GYS2: variants seen among roughly 807,000 people sequenced by gnomAD.
GYS2 encodes glycogen synthase 2, also known as glycogen [starch] synthase, liver.
Under a neutral mutation model 85.6 loss-of-function variants are expected in GYS2, and 80 were observed. The observed-to-expected ratio is 0.93, with a 90% CI of 0.78 to 1.13. The LOEUF (loss-of-function observed/expected upper bound fraction) is 1.13, where lower values mean the gene tolerates loss of function less well. Ranked by LOEUF, GYS2 falls within the 50% of genes most tolerant of loss-of-function variation. GYS2 has a pLI of 0.00. For missense variants in GYS2, 881 were observed against 854.9 expected (o/e 1.03, Z -0.38); for synonymous variants, 328 against 300.7 (o/e 1.09, Z -0.94).
At chr12:21,567,490 T>C (rs575998481) in intron 5 of GYS2, among the ~76,000 whole-genome samples, 4 of 151,194 alleles carry the variant, frequency 2.6e-5, no homozygotes, top group African/African-American at 9.7e-5. Flanking sequence ...AGGTTCTTAA[T>C]GCTGCCACTA....
chr12:21,540,227 G>A (rs181109111), intron 14 of GYS2, among the ~76,000 whole-genome samples, 183 bp downstream of exon 14: 38 of 152,252 alleles, frequency 2.5e-4, no homozygotes, highest in Non-Finnish European at 4.4e-4. Context: ...AGACTCAAAC[G>A]AAACATGAAG....
At chr12:21,576,251 T>C (rs1944445939) in intron 2 of GYS2, among the ~76,000 whole-genome samples, 194 bp from the exon 3 acceptor site, 1 of 152,228 alleles carries the variant, frequency 6.6e-6, no homozygotes, top group Admixed American at 6.5e-5. Flanking sequence ...TCCATTCATC[T>C]AGAACCTCCA....
chr12:21,561,148 T>C (rs78180619), intron 7 of GYS2, among the ~76,000 whole-genome samples: 1,738 of 152,308 alleles, frequency 0.011, 13 homozygotes, highest in South Asian at 0.018. Flanking sequence ...TCATGTACAA[T>C]AGGCATTTCT....
At chr12:21,539,387 T>C (rs1214705619) in intron 14 of GYS2, 49 bp from the exon 15 acceptor site, 2 of 977,384 alleles carry the variant, frequency 2.0e-6, no homozygotes, top group Admixed American at 3.4e-5. Context: ...CTTAGATATC[T>C]CAATAATCAA....
At chr12:21,548,821 T>G (rs1305612847) in intron 11 of GYS2, among the ~76,000 whole-genome samples, 1 of 152,076 alleles carries the variant, frequency 6.6e-6, no homozygotes, top group Non-Finnish European at 1.5e-5. Context: ...TCCCAGCGCT[T>G]TTTTTTGGTG....
rs1871141 is a variant in GYS2 at position 21,560,216 on chromosome 12, C to A, written c.1169+170G>T. On this transcript the variant is annotated intron_variant, in intron 8 of 15. Coordinates refer to ENST00000261195, the MANE Select transcript of GYS2 (RefSeq NM_021957.4). ...TTGTATAACACCTATAATGTTATAA[C>A]CATTACGATAACCTAAAATAGTAGC... is the stretch of plus-strand genomic sequence containing the variant. Among the ~76,000 whole-genome samples the A allele has an allele frequency of 0.74, 112,859 of 152,100 alleles. 42,163 individuals carry two copies. Among genetic ancestry groups the A allele is most frequent in the South Asian group, 0.79 (3,835 of 4,824 alleles).
chr12:21,603,300 T>C (rs1161399653), intron 1 of GYS2, among the ~76,000 whole-genome samples: 1 of 152,154 alleles, frequency 6.6e-6, no homozygotes, highest in African/African-American at 2.4e-5. Flanking sequence ...TGTTCTCTTA[T>C]ATGCATTCTG....
intron 1 of GYS2, among the ~76,000 whole-genome samples, chr12:21,598,147 T>A (rs1944716754): frequency 1.3e-5 from 2 of 151,910 alleles, no homozygotes; most frequent in African/African-American, 4.8e-5. Context: ...CAAAGTAGGG[T>A]GATTATAGTT....
At chr12:21,582,371 T>G (rs962435484) in intron 1 of GYS2, among the ~76,000 whole-genome samples, 1 of 151,954 alleles carries the variant, frequency 6.6e-6, no homozygotes, top group Non-Finnish European at 1.5e-5. Flanking sequence ...GGCAGAAAAA[T>G]GTGAAAAGGC....
chr12:21,544,246 G>A (rs1442099567), intron 12 of GYS2, among the ~76,000 whole-genome samples: 1 of 152,082 alleles, frequency 6.6e-6, no homozygotes, highest in Admixed American at 6.5e-5. Flanking sequence ...GCTCCCTTTG[G>A]TTAATGTAAA....
chr12:21,539,436 T>G, intron 14 of GYS2, 98 bp from the exon 15 acceptor site: 1 of 765,516 alleles, frequency 1.3e-6, no homozygotes, highest in Non-Finnish European at 2.3e-6. Flanking sequence ...TTCTGAAACA[T>G]ATGTATTTTT....
intron 11 of GYS2, among the ~76,000 whole-genome samples, chr12:21,552,914 A>C (rs1944130897): frequency 6.6e-6 from 1 of 152,198 alleles, no homozygotes; most frequent in Non-Finnish European, 1.5e-5. Flanking sequence ...CGCTTTCTTC[A>C]CCTCTCACCA....
rs140529413 is a variant in GYS2, at chr12:21,542,581, A to G, written c.1560T>C (p.Thr520=). 1.2e-6 allele frequency: 2 copies of G among 1,611,768 alleles called. No homozygotes were observed. Among genetic ancestry groups the G allele is most frequent in the Non-Finnish European group, 1.7e-6 (2 of 1,178,066 alleles). Residue 520 remains threonine (T), a synonymous_variant, in exon 13 of 16, where the codon ACT becomes ACC. Transcript: ENST00000261195. ...TGGTCACACTGGGGATACCCATCAC[A>G]GTGCATTCAGCTGCCAGGGGAAATA... The part of the protein sequence containing the change: ...EPWGYTPAEC[T]VMGIPSVTTN...
intron 1 of GYS2, among the ~76,000 whole-genome samples, chr12:21,593,659 T>C (rs1944664290): frequency 6.6e-6 from 1 of 152,050 alleles, no homozygotes; most frequent in Admixed American, 6.5e-5. Flanking sequence ...CAAGACCAGA[T>C]GGCTTTACTG....
In GYS2 at chr12:21,568,803, A is replaced by G. The variant is rs573753645; in HGVS notation, c.823+62T>C. On this transcript the variant is annotated intron_variant, in intron 5 of 15. Coordinates refer to ENST00000261195, the MANE Select transcript of GYS2 (RefSeq NM_021957.4). ...AACTACTACTTCACGATGGAAAACA[A>G]AATCCTCATAGTGTAACATCATTCG... The G allele has an allele frequency of 1.2e-5, 17 of 1,465,170 alleles. No individual in the cohort carries two copies. In the East Asian group the frequency reaches 3.4e-4, roughly 29 times the overall value. The allele number at this position is 1,465,170 out of a possible 1,614,324, so 90.8% of individuals were successfully genotyped here. A position where few individuals can be genotyped will look rare whatever the true frequency, so the allele number is the denominator to read the frequency against.
At chr12:21,600,101 C>A (rs1037484171) in intron 1 of GYS2, among the ~76,000 whole-genome samples, 2 of 152,186 alleles carry the variant, frequency 1.3e-5, no homozygotes, top group Non-Finnish European at 2.9e-5. Context: ...AATGGAGCAA[C>A]AAATTGATGG....
intron 1 of GYS2, among the ~76,000 whole-genome samples, chr12:21,588,862 C>A (rs769639525): frequency 2.0e-5 from 3 of 152,194 alleles, no homozygotes; most frequent in Non-Finnish European, 4.4e-5. Flanking sequence ...ATAAACTTAG[C>A]CAATTTGCAA....
At chr12:21,600,591 G>A (rs1460756962) in intron 1 of GYS2, among the ~76,000 whole-genome samples, 4 of 152,132 alleles carry the variant, frequency 2.6e-5, no homozygotes, top group African/African-American at 4.8e-5. Context: ...AAAAACAGCC[G>A]AGTAGCCTAG....
Position 21,550,698 on chromosome 12 carries a change from T to TG in GYS2, c.1423-4229dup, listed in dbSNP as rs573255993. Among the ~76,000 whole-genome samples, 53 of 152,290 alleles carry TG rather than the reference T, an allele frequency of 3.5e-4. 1 individual carries two copies. The highest frequency in any genetic ancestry group is 3.1e-3 in the Admixed American group (48 of 15,294). On this transcript the variant is annotated intron_variant, in intron 11 of 15. Coordinates refer to ENST00000261195, the MANE Select transcript of GYS2 (RefSeq NM_021957.4). ...GCTCACTGCTGTAATCCCAGCACTT[T>TG]GGGAGGCTGAGGCAGGTAGATCACC...
Sources: allele counts gnomAD v4.1 joint callset (sites outside exome capture counted in the v4.1 genomes callset), GRCh38; gene constraint gnomAD v4.1.1; transcripts MANE v1.5; gene names NCBI Gene and HGNC (gene_info 2026-07-23, HGNC 2026-07-21).